The following POC1A variants were observed in gnomAD, a reference collection of about 807,000 sequenced individuals.
The protein encoded by POC1A is POC1 centriolar protein homolog A.
In POC1A, 34 loss-of-function variants were observed where a neutral mutation model predicts 47.8. The ratio of observed to expected loss-of-function variants is 0.71; its 90% CI spans 0.54 to 0.95. The LOEUF is 0.95. Ranked by LOEUF, POC1A falls within the 40% of genes least tolerant of loss-of-function variation. The pLI is 0.00. For synonymous variants in POC1A, 177 were observed against 207.6 expected, an observed-to-expected ratio of 0.85 and a Z score of 1.27; for missense variants, 466 against 528.3, an observed-to-expected ratio of 0.88 and a Z score of 1.16.
chr3:52,149,589 C>T (rs1470594282), intron 3 of POC1A, among the ~76,000 whole-genome samples, 200 bp from the exon 4 acceptor site: 4 of 152,236 alleles, frequency 2.6e-5, no homozygotes, highest in African/African-American at 4.8e-5. Context: ...ATGAACACAG[C>T]ATCAGGTGGC....
chr3:52,092,286 G>C (rs1702668658), intron 10 of POC1A, among the ~76,000 whole-genome samples: 1 of 152,214 alleles, frequency 6.6e-6, no homozygotes, highest in African/African-American at 2.4e-5. Context: ...CTGGGCAAGA[G>C]CTTCTGGCCT....
chr3:52,119,370 G>A (rs1394057638), intron 9 of POC1A, among the ~76,000 whole-genome samples: 1 of 152,004 alleles, frequency 6.6e-6, no homozygotes, highest in African/African-American at 2.4e-5. Flanking sequence ...CCCACCAGAG[G>A]GACATTTGGC....
At chr3:52,117,655 G>A (rs149744333) in intron 9 of POC1A, among the ~76,000 whole-genome samples, 1 of 152,220 alleles carries the variant, frequency 6.6e-6, no homozygotes, top group Admixed American at 6.5e-5. Flanking sequence ...GTTAATGTGT[G>A]AACCGGACAG....
intron 7 of POC1A, among the ~76,000 whole-genome samples, chr3:52,127,421 C>T (rs1364657206): frequency 7.3e-5 from 11 of 150,482 alleles, no homozygotes; most frequent in Admixed American, 5.3e-4. Flanking sequence ...GGCAGAGTCT[C>T]GCTCTGTTGC....
chr3:52,136,806 C>T (rs932464408), intron 7 of POC1A, among the ~76,000 whole-genome samples: 11 of 152,180 alleles, frequency 7.2e-5, no homozygotes, highest in Admixed American at 2.0e-4. Context: ...GCCAGAACAC[C>T]GGGAATGACA....
intron 9 of POC1A, among the ~76,000 whole-genome samples, chr3:52,114,033 T>C (rs946820843): frequency 6.6e-6 from 1 of 152,176 alleles, no homozygotes; most frequent in Non-Finnish European, 1.5e-5. Context: ...GTGCAGAGAA[T>C]TGAGACAACC....
At chr3:52,082,455 G>A (rs1702329966) in intron 10 of POC1A, among the ~76,000 whole-genome samples, 1 of 152,204 alleles carries the variant, frequency 6.6e-6, no homozygotes, top group Admixed American at 6.5e-5. Flanking sequence ...GTGGATCTAG[G>A]AGCTCGGACC....
At chr3:52,130,209 C>G (rs191599088) in intron 7 of POC1A, among the ~76,000 whole-genome samples, 2 of 152,362 alleles carry the variant, frequency 1.3e-5, no homozygotes, top group East Asian at 3.9e-4. Flanking sequence ...GATTGTCACA[C>G]CACATGCCCC....
At chr3:52,102,312 A>G (rs1703031449) in intron 9 of POC1A, among the ~76,000 whole-genome samples, 3 of 152,214 alleles carry the variant, frequency 2.0e-5, no homozygotes, top group South Asian at 2.1e-4. Context: ...TAATTCTCTC[A>G]CAGTTCTGGA....
At chr3:52,137,716 G>A (rs766477568) in intron 7 of POC1A, among the ~76,000 whole-genome samples, 3 of 152,154 alleles carry the variant, frequency 2.0e-5, no homozygotes, top group African/African-American at 7.2e-5. Flanking sequence ...ATTCTCAAAC[G>A]ACAAACATGA....
At chr3:52,080,010 C>T (rs986248046) in intron 10 of POC1A, among the ~76,000 whole-genome samples, 5 of 152,182 alleles carry the variant, frequency 3.3e-5, no homozygotes, top group African/African-American at 1.2e-4. Flanking sequence ...GCGGTTCACC[C>T]TGATCATTGA....
In POC1A at chr3:52,138,034, G is replaced by A. The variant is rs1017256225; in HGVS notation, c.813+135C>T. 5.4e-6 allele frequency: 5 copies of A among 926,336 alleles called. No individual in the cohort carries two copies. The African/African-American group carries it at 8.2e-5, about 15-fold the overall frequency. 57.4% of individuals were successfully genotyped at this position (926,336 alleles called of 1,614,324 possible). On this transcript the variant is annotated intron_variant, in intron 7 of 10. Transcript: ENST00000296484. ...GTCCCAGGCCCAGCAATCTGCCCAG[G>A]TCACATGGAAATGCCTCCATCCATC...
intron 9 of POC1A, among the ~76,000 whole-genome samples, chr3:52,102,271 G>A (rs1703030407): frequency 6.6e-6 from 1 of 152,174 alleles, no homozygotes; most frequent in African/African-American, 2.4e-5. Flanking sequence ...GTAACAAATT[G>A]TCACATTTGA....
chr3:52,122,333 C>G, intron 9 of POC1A, 46 bp downstream of exon 9: 1 of 1,116,738 alleles, frequency 9.0e-7, no homozygotes, highest in Non-Finnish European at 1.4e-6. Context: ...CATGACCTAG[C>G]CCACCAGAGT....
chr3:52,122,717 C>T (rs945841739), intron 8 of POC1A, among the ~76,000 whole-genome samples: 3 of 152,250 alleles, frequency 2.0e-5, no homozygotes, highest in Non-Finnish European at 4.4e-5. Context: ...GTGGCACCGC[C>T]AGGCCTTCGC....
chr3:52,110,955 G>A (rs1703359059), intron 9 of POC1A, among the ~76,000 whole-genome samples: 3 of 152,364 alleles, frequency 2.0e-5, no homozygotes, highest in South Asian at 2.1e-4. Flanking sequence ...AAAGGAGTGT[G>A]TGTGCCTGGG....
chr3:52,105,966 G>A (rs1253114887), intron 9 of POC1A, among the ~76,000 whole-genome samples: 3 of 152,020 alleles, frequency 2.0e-5, no homozygotes, highest in African/African-American at 7.2e-5. Flanking sequence ...AGGCTGAGGC[G>A]GGCGGATCAC....
intron 5 of POC1A, 93 bp from the exon 6 acceptor site, chr3:52,146,054 C>A: frequency 1.4e-6 from 1 of 712,960 alleles, no homozygotes; most frequent in Non-Finnish European, 2.5e-6. Context: ...TCCCTGTGTC[C>A]TGCCCACGCT....
chr3:52,130,441 A>C (rs1216585615), intron 7 of POC1A, among the ~76,000 whole-genome samples: 1 of 152,220 alleles, frequency 6.6e-6, no homozygotes, highest in Non-Finnish European at 1.5e-5. Context: ...AGTGGGGCCC[A>C]TAGGAGGCCA....
Sources: gnomAD v4.1 joint callset for allele counts (sites outside exome capture counted in the v4.1 genomes callset) on GRCh38, gnomAD v4.1.1 for gene constraint, MANE v1.5 for transcripts, NCBI Gene and HGNC (gene_info 2026-07-23, HGNC 2026-07-21) for gene names.